PLA2G2C: variants seen among roughly 807,000 people sequenced by gnomAD.
PLA2G2C encodes putative inactive group IIC secretory phospholipase A2.
A neutral mutation model predicts 14.3 loss-of-function variants in PLA2G2C; 15 were observed. The observed-to-expected ratio is 1.05, with a 90% CI of 0.70 to 1.62. The LOEUF is 1.62. Among genes scored for constraint, PLA2G2C ranks in the 40% most tolerant of loss-of-function variants. The pLI, the probability that PLA2G2C is intolerant of heterozygous loss-of-function variation, is 0.00. For missense variants in PLA2G2C, 162 were observed against 173.2 expected, an observed-to-expected ratio of 0.94 and a Z score of 0.36; for synonymous variants, 79 against 67.7, an observed-to-expected ratio of 1.17 and a Z score of -0.82.
At chr1:20,172,263 G>A (rs560659505) in intron 4 of PLA2G2C, among the ~76,000 whole-genome samples, 14 of 151,944 alleles carry the variant, frequency 9.2e-5, no homozygotes, top group Admixed American at 6.6e-4. Context: ...CCAGGGCCAC[G>A]CCCCATGTGA....
chr1:20,169,426 C>T (rs138043908), intron 4 of PLA2G2C, among the ~76,000 whole-genome samples: 3,392 of 152,206 alleles, frequency 0.022, 129 homozygotes, highest in African/African-American at 0.077. Context: ...GTGATCCTCC[C>T]GCCTCAGCCT....
intron 4 of PLA2G2C, 113 bp downstream of exon 4, chr1:20,172,681 T>C: frequency 1.1e-6 from 1 of 943,984 alleles, no homozygotes; most frequent in Non-Finnish European, 1.6e-6. Context: ...AATATCTCCT[T>C]CCAAGCACTT....
At chr1:20,170,381 G>T (rs1459761161) in intron 4 of PLA2G2C, among the ~76,000 whole-genome samples, 1 of 152,224 alleles carries the variant, frequency 6.6e-6, no homozygotes, top group East Asian at 1.9e-4. Flanking sequence ...GGCTGATCTG[G>T]ATAATCTCTA....
chr1:20,174,106 T>C (rs546243499), intron 3 of PLA2G2C, among the ~76,000 whole-genome samples: 1 of 152,286 alleles, frequency 6.6e-6, no homozygotes, highest in East Asian at 1.9e-4. Context: ...GTCCCAGTGC[T>C]TGGCACATAA....
At chr1:20,172,347 A>T (rs2018099025) in intron 4 of PLA2G2C, among the ~76,000 whole-genome samples, 1 of 151,426 alleles carries the variant, frequency 6.6e-6, no homozygotes, top group Admixed American at 6.6e-5. Context: ...TTCCCTTCCC[A>T]CCTATTTGCT....
chr1:20,176,935 G>C (rs910928442), intron 2 of PLA2G2C, among the ~76,000 whole-genome samples: 3 of 152,176 alleles, frequency 2.0e-5, no homozygotes, highest in Non-Finnish European at 4.4e-5. Flanking sequence ...ATGTCTTTCT[G>C]ATAAGCATTA....
chr1:20,171,956 G>A (rs2100717027), intron 4 of PLA2G2C, among the ~76,000 whole-genome samples: 1 of 151,456 alleles, frequency 6.6e-6, no homozygotes, highest in South Asian at 2.1e-4. Flanking sequence ...GTAGAGACGG[G>A]GTTTCACCGT....
chr1:20,171,887 G>A (rs1036673138), intron 4 of PLA2G2C, among the ~76,000 whole-genome samples: 1 of 147,088 alleles, frequency 6.8e-6, no homozygotes, highest in South Asian at 2.2e-4. Flanking sequence ...TCAGCCTCCC[G>A]AGTAGCTGGG....
At chr1:20,165,321 A>G (rs191620265) in intron 4 of PLA2G2C, among the ~76,000 whole-genome samples, 2 of 152,272 alleles carry the variant, frequency 1.3e-5, no homozygotes, top group Admixed American at 1.3e-4. Flanking sequence ...GACCACCTGA[A>G]CTAAAGCTCT....
intron 4 of PLA2G2C, among the ~76,000 whole-genome samples, chr1:20,169,413 C>G (rs2018033150): frequency 6.6e-6 from 1 of 152,132 alleles, no homozygotes; most frequent in African/African-American, 2.4e-5. Context: ...CTCCTGGGCT[C>G]AAGTGATCCT....
rs35039220 is a variant in PLA2G2C, at chr1:20,179,521, CTG to C, written c.-76-2084_-76-2083del. On this transcript the variant is annotated intron_variant, in intron 1 of 4. Transcript: ENST00000679259. ...TCAGCTTCTCCCTCTATGTCAGTTT[CTG>C]TGTGTGTGTGTGTGTGTGTGTTAGC... is the stretch of plus-strand genomic sequence containing the variant. 9.9e-4 allele frequency among the ~76,000 whole-genome samples: 135 copies of C among 136,130 alleles called. 2 individuals carry two copies. The highest frequency in any genetic ancestry group is 4.7e-3 in the Middle Eastern group (1 of 212). 89.3% of individuals were successfully genotyped at this position (136,130 alleles called of 152,430 possible).
In PLA2G2C at chr1:20,163,954, G is replaced by A; in HGVS notation, c.*37C>T. 6.3e-7 allele frequency: 1 copy of A among 1,590,568 alleles called. No individual in the cohort carries two copies. Among genetic ancestry groups the A allele is most frequent in the Non-Finnish European group, 8.6e-7 (1 of 1,167,612 alleles). ...GGCTTCCTGGAAGAGCAACACTAGAGCGGATGCTGGATGATGAGAGGGACC... is the reference window on the plus strand; with the variant it reads ...GGCTTCCTGGAAGAGCAACACTAGAACGGATGCTGGATGATGAGAGGGACC... On this transcript the variant is annotated 3_prime_UTR_variant, in exon 5 of 5. Transcript: ENST00000679259.
intron 1 of PLA2G2C, among the ~76,000 whole-genome samples, chr1:20,181,856 T>C (rs2018283660): frequency 6.6e-6 from 1 of 152,120 alleles, no homozygotes; most frequent in Admixed American, 6.6e-5. Context: ...CAAGGAAAGG[T>C]AGCATTGTGC....
chr1:20,167,582 G>C (rs1297989016), intron 4 of PLA2G2C, among the ~76,000 whole-genome samples: 2 of 152,184 alleles, frequency 1.3e-5, no homozygotes, highest in African/African-American at 4.8e-5. Flanking sequence ...CCTGTGCTTT[G>C]CAACAGTCCC....
In PLA2G2C at chr1:20,182,393, T is replaced by C. The variant is rs544757604; in HGVS notation, c.-77+3967A>G. On this transcript the variant is annotated intron_variant, in intron 1 of 4. Coordinates refer to ENST00000679259, the MANE Select transcript of PLA2G2C (RefSeq NM_001367969.2). Reference sequence around the variant, plus strand: ...TGTTACAATTGCCATTGTGTTACAGTATTTAGAACGGCAACATGCTGTACA... The same window carrying C: ...TGTTACAATTGCCATTGTGTTACAGCATTTAGAACGGCAACATGCTGTACA... Among the ~76,000 whole-genome samples, 14 of 152,356 alleles carry C rather than the reference T, an allele frequency of 9.2e-5. 1 individual carries two copies. The highest frequency in any genetic ancestry group is 3.1e-4 in the African/African-American group (13 of 41,580).
chr1:20,181,082 A>G (rs1002713347), intron 1 of PLA2G2C, among the ~76,000 whole-genome samples: 4 of 152,172 alleles, frequency 2.6e-5, no homozygotes, highest in African/African-American at 9.6e-5. Context: ...TATATATCAC[A>G]CTTATGCCTT....
intron 1 of PLA2G2C, among the ~76,000 whole-genome samples, chr1:20,183,533 G>A (rs116568330): frequency 2.6e-3 from 396 of 152,324 alleles, no homozygotes; most frequent in Non-Finnish European, 4.8e-3. Context: ...GGGCTATGAT[G>A]CCTCCATTAA....
At chr1:20,180,871 T>C (rs1020470550) in intron 1 of PLA2G2C, among the ~76,000 whole-genome samples, 2 of 152,262 alleles carry the variant, frequency 1.3e-5, no homozygotes, top group African/African-American at 4.8e-5. Flanking sequence ...ATCTGGGTCC[T>C]TTCCTGGACC....
At chr1:20,171,374 G>A (rs976073781) in intron 4 of PLA2G2C, among the ~76,000 whole-genome samples, 6 of 152,236 alleles carry the variant, frequency 3.9e-5, no homozygotes, top group African/African-American at 1.4e-4. Flanking sequence ...ACCACGTGCT[G>A]GTGGCAGTGG....
Sources: allele counts gnomAD v4.1 joint callset (sites outside exome capture counted in the v4.1 genomes callset), GRCh38; gene constraint gnomAD v4.1.1; transcripts MANE v1.5; gene names NCBI Gene and HGNC (gene_info 2026-07-23, HGNC 2026-07-21).